LRFN2: variants seen among roughly 807,000 people sequenced by gnomAD.
The protein encoded by LRFN2 is leucine-rich repeat and fibronectin type-III domain-containing protein 2.
A neutral mutation model predicts 37.3 loss-of-function variants in LRFN2; 18 were observed. The ratio of observed to expected loss-of-function variants is 0.48; its 90% CI spans 0.33 to 0.72. LRFN2 has a LOEUF of 0.72. Among genes scored for constraint, LRFN2 ranks in the 30% least tolerant of loss-of-function variants. LRFN2 has a pLI of 0.02. For synonymous variants in LRFN2, 556 were observed against 466.6 expected, an observed-to-expected ratio of 1.19 and a Z score of -2.47; for missense variants, 1,006 against 1,060.7, an observed-to-expected ratio of 0.95 and a Z score of 0.72.
chr6:40,537,748 TC>T lies in LRFN2; in HGVS notation c.-19+49192del, dbSNP rs142726557. ...CTCTCCAGTCCCCACAGCCTCGGTGTCCAGTTAGGGACTAAGGGGACTCCCT... is the reference window on the plus strand; with the variant it reads ...CTCTCCAGTCCCCACAGCCTCGGTGTCAGTTAGGGACTAAGGGGACTCCCT... On this transcript the variant is annotated intron_variant, in intron 1 of 2. Transcript: ENST00000338305. Among the ~76,000 whole-genome samples the T allele has an allele frequency of 3.2e-3, 487 of 152,070 alleles. 8 individuals carry two copies. Among genetic ancestry groups the T allele is most frequent in the African/African-American group, 0.011 (448 of 41,510 alleles).
intron 2 of LRFN2, among the ~76,000 whole-genome samples, chr6:40,409,646 C>G (rs974234612): frequency 6.6e-6 from 1 of 152,178 alleles, no homozygotes; most frequent in Non-Finnish European, 1.5e-5. Context: ...ACCACCTCCC[C>G]CAAAGGACCG....
intron 1 of LRFN2, among the ~76,000 whole-genome samples, chr6:40,493,127 G>A (rs1244349768): frequency 2.0e-5 from 3 of 152,218 alleles, no homozygotes; most frequent in East Asian, 3.9e-4. Context: ...ATTCAAAGCA[G>A]AGAGAAACAA....
chr6:40,557,005 C>G (rs1482376427), intron 1 of LRFN2, among the ~76,000 whole-genome samples: 1 of 152,182 alleles, frequency 6.6e-6, no homozygotes, highest in Non-Finnish European at 1.5e-5. Context: ...AATCAACACT[C>G]GAGGCCAGAT....
intron 2 of LRFN2, among the ~76,000 whole-genome samples, chr6:40,411,008 A>G (rs1237738537): frequency 6.6e-6 from 1 of 152,228 alleles, no homozygotes; most frequent in Non-Finnish European, 1.5e-5. Flanking sequence ...TTAATTGCAC[A>G]CCAGGGTCCC....
intron 1 of LRFN2, among the ~76,000 whole-genome samples, chr6:40,576,039 G>A (rs1767270858): frequency 6.6e-6 from 1 of 152,132 alleles, no homozygotes; most frequent in Non-Finnish European, 1.5e-5. Flanking sequence ...ATAATATAAT[G>A]CAAGCATGAC....
At chr6:40,540,894 C>T (rs1048249952) in intron 1 of LRFN2, among the ~76,000 whole-genome samples, 1 of 152,172 alleles carries the variant, frequency 6.6e-6, no homozygotes, top group Non-Finnish European at 1.5e-5. Context: ...CCAGCTTGCT[C>T]TCAGGGCCAG....
intron 1 of LRFN2, among the ~76,000 whole-genome samples, chr6:40,500,029 C>T (rs567593012): frequency 3.9e-5 from 6 of 152,356 alleles, no homozygotes; most frequent in East Asian, 1.9e-4. Flanking sequence ...CCATCCTCTC[C>T]GTGGCAGGCC....
intron 1 of LRFN2, among the ~76,000 whole-genome samples, chr6:40,577,819 A>AAAT (rs778940423): frequency 0.064 from 7,270 of 114,278 alleles, 204 homozygotes; most frequent in Admixed American, 0.07. Context: ...AAAAATTAAA[A>AAAT]AAAATAAAAA....
chr6:40,424,716 C>T (rs190389268), intron 2 of LRFN2, among the ~76,000 whole-genome samples: 21 of 152,300 alleles, frequency 1.4e-4, no homozygotes, highest in African/African-American at 5.1e-4. Flanking sequence ...TGTGGGGACT[C>T]AACCCACCCT....
chr6:40,550,375 G>A (rs879332432), intron 1 of LRFN2, among the ~76,000 whole-genome samples: 1 of 152,266 alleles, frequency 6.6e-6, no homozygotes, highest in African/African-American at 2.4e-5. Context: ...TCTTTAGAGA[G>A]AGTCACATTG....
chr6:40,493,801 T>C (rs1480684041), intron 1 of LRFN2, among the ~76,000 whole-genome samples: 1 of 152,202 alleles, frequency 6.6e-6, no homozygotes, highest in Non-Finnish European at 1.5e-5. Context: ...TCCTGCCTTA[T>C]CCCCATCAAG....
chr6:40,476,285 TTCTCCAGACTTA>T (rs1409716500), intron 1 of LRFN2, among the ~76,000 whole-genome samples: 9 of 152,244 alleles, frequency 5.9e-5, no homozygotes, highest in Non-Finnish European at 1.5e-5. Context: ...GCCGCTACGT[TTCTCCAGACTTA>T]TCTCCTCCAA....
At chr6:40,568,690 T>TCCTC (rs943576648) in intron 1 of LRFN2, among the ~76,000 whole-genome samples, 4 of 111,916 alleles carry the variant, frequency 3.6e-5, no homozygotes, top group Non-Finnish European at 7.4e-5. Flanking sequence ...CCCATTTCCT[T>TCCTC]CCTTCCTTCC....
chr6:40,438,705 G>A (rs1763755212), intron 1 of LRFN2, among the ~76,000 whole-genome samples: 1 of 152,098 alleles, frequency 6.6e-6, no homozygotes, highest in Non-Finnish European at 1.5e-5. Flanking sequence ...GCTACATGTG[G>A]GCACTTGTGT....
At chr6:40,417,671 G>A (rs965991991) in intron 2 of LRFN2, among the ~76,000 whole-genome samples, 6 of 152,190 alleles carry the variant, frequency 3.9e-5, no homozygotes, top group Admixed American at 3.9e-4. Context: ...TCACGGCTAT[G>A]AGTTGGGCCT....
chr6:40,542,419 G>A (rs1766573016), intron 1 of LRFN2, among the ~76,000 whole-genome samples: 1 of 152,086 alleles, frequency 6.6e-6, no homozygotes, highest in African/African-American at 2.4e-5. Context: ...GTGGGCGGGA[G>A]GTGCTGCAGT....
At chr6:40,528,520 G>A (rs915534921) in intron 1 of LRFN2, among the ~76,000 whole-genome samples, 4 of 152,222 alleles carry the variant, frequency 2.6e-5, no homozygotes, top group African/African-American at 9.6e-5. Context: ...AGCTAAGGGA[G>A]TCAAAGTGGA....
At chr6:40,495,275 A>G (rs1450319246) in intron 1 of LRFN2, among the ~76,000 whole-genome samples, 1 of 152,210 alleles carries the variant, frequency 6.6e-6, no homozygotes, top group East Asian at 1.9e-4. Context: ...CTATGCTACC[A>G]GCTGACCTGC....
At chr6:40,396,363 C>G (rs1762614249) in intron 2 of LRFN2, among the ~76,000 whole-genome samples, 1 of 152,182 alleles carries the variant, frequency 6.6e-6, no homozygotes, top group African/African-American at 2.4e-5. Context: ...GCCTCTCGGA[C>G]ACTGCCCCGT....
Sources: gnomAD v4.1 joint callset for allele counts (sites outside exome capture counted in the v4.1 genomes callset) on GRCh38, gnomAD v4.1.1 for gene constraint, MANE v1.5 for transcripts, NCBI Gene and HGNC (gene_info 2026-07-23, HGNC 2026-07-21) for gene names.